Variants in TTLL11 observed in about 807,000 individuals in gnomAD.
TTLL11 encodes the protein tubulin polyglutamylase TTLL11.
TTLL11 carries 42 observed loss-of-function variants against 51.7 expected under a neutral mutation model. The observed-to-expected ratio is 0.81, with a 90% CI of 0.64 to 1.05. TTLL11 has a LOEUF of 1.05. Among genes scored for constraint, TTLL11 ranks in the 50% least tolerant of loss-of-function variants. The pLI is 0.00. For missense variants in TTLL11, 799 were observed against 940.4 expected, an observed-to-expected ratio of 0.85 and a Z score of 1.97; for synonymous variants, 381 against 383.5, an observed-to-expected ratio of 0.99 and a Z score of 0.08.
chr9:121,861,774 CTGGAAATGCTCACCAGA>C (rs1364882132), intron 7 of TTLL11, among the ~76,000 whole-genome samples: 1 of 152,192 alleles, frequency 6.6e-6, no homozygotes, highest in Non-Finnish European at 1.5e-5. Flanking sequence ...CAATTTCCCA[CTGGAAATGCTCACCAGA>C]TGAGTCCCTG....
intron 1 of TTLL11, among the ~76,000 whole-genome samples, chr9:122,086,777 C>A (rs766141933): frequency 6.6e-6 from 1 of 152,136 alleles, no homozygotes; most frequent in Non-Finnish European, 1.5e-5. Context: ...ACTCCAAGGT[C>A]ACTTGAATTA....
At chr9:121,878,912 G>T (rs1406656724) in intron 6 of TTLL11, among the ~76,000 whole-genome samples, 1 of 152,220 alleles carries the variant, frequency 6.6e-6, no homozygotes, top group Non-Finnish European at 1.5e-5. Context: ...TGTGGGGCTG[G>T]TGGTGCAGGG....
chr9:122,088,887 T>C (rs879695596), intron 1 of TTLL11, among the ~76,000 whole-genome samples: 4 of 151,838 alleles, frequency 2.6e-5, no homozygotes, highest in Non-Finnish European at 5.9e-5. Flanking sequence ...ATGCCTGTAA[T>C]CTCAGCTACT....
intron 1 of TTLL11, among the ~76,000 whole-genome samples, chr9:122,050,653 T>C (rs952772235): frequency 7.9e-5 from 12 of 152,156 alleles, no homozygotes; most frequent in Non-Finnish European, 1.5e-4. Context: ...TTGGTCTAGA[T>C]GACCAATGGC....
intron 1 of TTLL11, among the ~76,000 whole-genome samples, chr9:122,055,203 G>GGATAGATAGATAGATA (rs1222958113): frequency 0.054 from 7,865 of 144,670 alleles, 254 homozygotes; most frequent in South Asian, 0.067. Flanking sequence ...AGGACTAATA[G>GGATAGATAGATAGATA]GATAGATAGA....
chr9:122,024,425 T>C (rs991092597), intron 3 of TTLL11, among the ~76,000 whole-genome samples: 4 of 152,142 alleles, frequency 2.6e-5, no homozygotes, highest in African/African-American at 9.7e-5. Context: ...TTTGTAGACA[T>C]TGACAAGCTG....
At chr9:121,847,105 G>C (rs1837538409) in intron 8 of TTLL11, among the ~76,000 whole-genome samples, 1 of 151,838 alleles carries the variant, frequency 6.6e-6, no homozygotes, top group African/African-American at 2.4e-5. Flanking sequence ...AGCTACTCGG[G>C]AGGCTGAGGC....
intron 1 of TTLL11, among the ~76,000 whole-genome samples, chr9:122,089,046 A>G (rs1458935955): frequency 6.6e-6 from 1 of 150,792 alleles, no homozygotes. Context: ...GTGAAAAAGG[A>G]AGCGAGATTG....
chr9:121,917,542 GAAGAAA>G (rs1564303998), intron 6 of TTLL11, among the ~76,000 whole-genome samples: 1 of 131,622 alleles, frequency 7.6e-6, no homozygotes, highest in African/African-American at 2.8e-5. Flanking sequence ...AGGAAGGAAG[GAAGAAA>G]AAGAAAAAGA....
intron 1 of TTLL11, among the ~76,000 whole-genome samples, chr9:122,067,709 G>A (rs569548565): frequency 6.6e-6 from 1 of 152,232 alleles, no homozygotes; most frequent in South Asian, 2.1e-4. Flanking sequence ...CACCATGTTG[G>A]TCAGGCTGGT....
intron 8 of TTLL11, among the ~76,000 whole-genome samples, chr9:121,841,724 A>G (rs1042362317): frequency 9.9e-5 from 15 of 152,038 alleles, no homozygotes; most frequent in African/African-American, 3.6e-4. Context: ...AATGATTATT[A>G]TCGTTGGGCC....
At chr9:121,905,148 T>C (rs529430724) in intron 6 of TTLL11, among the ~76,000 whole-genome samples, 35 of 152,284 alleles carry the variant, frequency 2.3e-4, no homozygotes, top group Non-Finnish European at 4.4e-4. Flanking sequence ...TGTAATATTA[T>C]ATCTCTCTGT....
At chr9:121,918,099 A>G (rs1310656839) in intron 6 of TTLL11, among the ~76,000 whole-genome samples, 1 of 152,118 alleles carries the variant, frequency 6.6e-6, no homozygotes, top group East Asian at 1.9e-4. Flanking sequence ...CACTTTACAG[A>G]CCACGGACCA....
intron 1 of TTLL11, among the ~76,000 whole-genome samples, chr9:122,039,863 C>A (rs1478493093): frequency 7.0e-6 from 1 of 142,550 alleles, no homozygotes; most frequent in Non-Finnish European, 1.5e-5. Flanking sequence ...CTTCCCTTAT[C>A]TCTCTCTCTC....
At chr9:121,907,273 A>G (rs950447235) in intron 6 of TTLL11, among the ~76,000 whole-genome samples, 49 of 151,974 alleles carry the variant, frequency 3.2e-4, no homozygotes, top group African/African-American at 1.1e-3. Context: ...AACATGGTGA[A>G]ACCCCTTCTC....
intron 6 of TTLL11, among the ~76,000 whole-genome samples, chr9:121,953,052 G>C (rs1841898757): frequency 6.6e-6 from 1 of 152,192 alleles, no homozygotes; most frequent in African/African-American, 2.4e-5. Flanking sequence ...TAAGAAAAGA[G>C]TTGAAATGTT....
chr9:121,905,909 T>C (rs1839928754), intron 6 of TTLL11, among the ~76,000 whole-genome samples: 1 of 152,198 alleles, frequency 6.6e-6, no homozygotes, highest in African/African-American at 2.4e-5. Flanking sequence ...ACAATCTGGC[T>C]TTAGTCTATG....
intron 8 of TTLL11, among the ~76,000 whole-genome samples, chr9:121,847,079 T>G (rs4448352): frequency 0.66 from 100,304 of 151,214 alleles, 33,552 homozygotes; most frequent in East Asian, 0.77. Flanking sequence ...GCGTGGTGGC[T>G]GGCGCCTATA....
intron 6 of TTLL11, among the ~76,000 whole-genome samples, chr9:121,948,810 C>G (rs1050151910): frequency 4.6e-5 from 7 of 152,144 alleles, no homozygotes; most frequent in Non-Finnish European, 1.0e-4. Flanking sequence ...ACTCAGGGGT[C>G]AGTAAACTGC....
Sources: allele counts gnomAD v4.1 joint callset (sites outside exome capture counted in the v4.1 genomes callset), GRCh38; gene constraint gnomAD v4.1.1; transcripts MANE v1.5; gene names NCBI Gene and HGNC (gene_info 2026-07-23, HGNC 2026-07-21).